The following FCHO2 variants were observed in gnomAD, a reference collection of about 807,000 sequenced individuals.
FCHO2 encodes the protein F-BAR domain only protein 2.
A neutral mutation model predicts 114.1 loss-of-function variants in FCHO2; 43 were observed. That is an observed-to-expected ratio of 0.38 (90% CI 0.30 to 0.49). The LOEUF is 0.49. Ranked by LOEUF, FCHO2 falls within the 20% of genes least tolerant of loss-of-function variation. FCHO2 has a pLI of 0.97. For missense variants in FCHO2, 807 were observed against 950.4 expected (o/e 0.85, Z 1.98); for synonymous variants, 293 against 315.2 (o/e 0.93, Z 0.75).
chr5:73,000,502 G>C (rs989721841), intron 5 of FCHO2, among the ~76,000 whole-genome samples: 4 of 148,394 alleles, frequency 2.7e-5, no homozygotes, highest in South Asian at 2.1e-4. Flanking sequence ...AAAGCTGGGG[G>C]CAGTGGCTCA....
In FCHO2 at chr5:72,982,953, G is replaced by A. The variant is rs141178846; in HGVS notation, c.126-6474G>A. Among the ~76,000 whole-genome samples the A allele has an allele frequency of 6.4e-4, 96 of 148,844 alleles. 1 individual carries two copies. The highest frequency in any genetic ancestry group is 3.5e-3 in the Middle Eastern group (1 of 288). ...TTTTCAGACAGAGTATCTCTCTGTC[G>A]CCGAGGCTGGAGTGCAGTGGCGCGA... On this transcript the variant is annotated intron_variant, in intron 2 of 25. Transcript: ENST00000430046.
At chr5:73,012,428 CTGGCCAACG>C (rs913853465) in intron 6 of FCHO2, among the ~76,000 whole-genome samples, 27 of 152,092 alleles carry the variant, frequency 1.8e-4, no homozygotes, top group Admixed American at 1.2e-3. Flanking sequence ...TGAGACTATA[CTGGCCAACG>C]TGGTGAAACT....
At position 73,077,437 on chromosome 5, in the gene FCHO2, G is replaced by C. The variant is rs1461270409; in HGVS notation, c.1791G>C (p.Arg597Ser). The C allele has an allele frequency of 1.9e-6, 3 of 1,601,844 alleles. No individual in the cohort carries two copies. The highest frequency in any genetic ancestry group is 2.2e-5 in the East Asian group (1 of 44,522). Residue 597 changes from arginine to serine, a missense_variant, in exon 21 of 26, where the codon AGG becomes AGC. Transcript: ENST00000430046. ...CAACTCCAGCTGTGTTGTGCTTCAG[G>C]GTGAAAAATATCAGCAGACTAGAGC... Reference protein sequence around the residue: ...SNPTPAVLCFRVKNISRLEQI... With the variant: ...SNPTPAVLCFSVKNISRLEQI...
At chr5:72,961,717 C>T (rs1751883307) in intron 1 of FCHO2, among the ~76,000 whole-genome samples, 1 of 152,006 alleles carries the variant, frequency 6.6e-6, no homozygotes, top group Admixed American at 6.6e-5. Flanking sequence ...GCCTTAGCCT[C>T]CCTGGTAGCT....
chr5:73,033,586 A>C lies in FCHO2; in HGVS notation c.797-1071A>C, dbSNP rs371727359. On this transcript the variant is annotated intron_variant, in intron 8 of 25. Coordinates refer to ENST00000430046, the MANE Select transcript of FCHO2 (RefSeq NM_138782.3). ...TCCTCTATCATCTACTCTCTGTTTC[A>C]AGCTCTATTTTAAAATTTCTTCATA... Among the ~76,000 whole-genome samples, 8 of 152,146 alleles carry C rather than the reference A, an allele frequency of 5.3e-5. No individual in the cohort carries two copies. The East Asian group carries it at 5.8e-4, about 11-fold the overall frequency.
Position 73,068,705 on chromosome 5 carries a change from C to T in FCHO2, c.1505C>T (p.Pro502Leu). The change falls in exon 19 of 26, where the codon CCA becomes CTA. Residue 502 changes from proline (P) to leucine (L), a missense_variant. Pro to Leu is a moderately conservative substitution (Grantham distance 98). Coordinates refer to ENST00000430046, the MANE Select transcript of FCHO2 (RefSeq NM_138782.3). ...TSNTSPPPAAPLARAESSSSI... is the reference protein window; with the variant it reads ...TSNTSPPPAALLARAESSSSI... Reference sequence around the variant, plus strand: ...AACACCAGCCCACCTCCTGCTGCACCATTAGCCCGGGCAGAAAGTTCTTCT... The same window carrying T: ...AACACCAGCCCACCTCCTGCTGCACTATTAGCCCGGGCAGAAAGTTCTTCT... 6.2e-7 allele frequency: 1 copy of T among 1,612,490 alleles called. No individual in the cohort carries two copies.
At chr5:73,042,534 C>T (rs937836661) in intron 11 of FCHO2, among the ~76,000 whole-genome samples, 3 of 151,904 alleles carry the variant, frequency 2.0e-5, no homozygotes, top group African/African-American at 4.8e-5. Context: ...TTGAACTTTA[C>T]TTAGTACTTA....
intron 8 of FCHO2, among the ~76,000 whole-genome samples, chr5:73,029,406 T>C (rs943326648): frequency 3.9e-5 from 6 of 152,186 alleles, no homozygotes; most frequent in Admixed American, 1.3e-4. Flanking sequence ...AGTACTAAGA[T>C]TCTGTGGAGA....
intron 2 of FCHO2, among the ~76,000 whole-genome samples, chr5:72,970,742 C>T (rs1180939956): frequency 6.6e-6 from 1 of 151,480 alleles, no homozygotes; most frequent in Non-Finnish European, 1.5e-5. Context: ...GGTACACGTG[C>T]ACAATGTGCA....
intron 2 of FCHO2, among the ~76,000 whole-genome samples, chr5:72,986,742 A>G (rs536014528): frequency 2.6e-5 from 4 of 152,316 alleles, no homozygotes; most frequent in Non-Finnish European, 4.4e-5. Flanking sequence ...GAGTATTTGC[A>G]TATACATAGC....
intron 11 of FCHO2, among the ~76,000 whole-genome samples, chr5:73,047,167 A>C (rs1580162093): frequency 6.6e-6 from 1 of 152,268 alleles, no homozygotes; most frequent in Non-Finnish European, 1.5e-5. Flanking sequence ...CTGTTTGTGC[A>C]TGTGTTTATA....
intron 8 of FCHO2, among the ~76,000 whole-genome samples, chr5:73,030,776 A>C (rs1034505423): frequency 6.6e-6 from 1 of 152,328 alleles, no homozygotes; most frequent in African/African-American, 2.4e-5. Flanking sequence ...TGATTCTCAT[A>C]CATAATATAG....
chr5:73,043,561 T>G (rs1410200978), intron 11 of FCHO2, among the ~76,000 whole-genome samples: 4 of 152,172 alleles, frequency 2.6e-5, no homozygotes, highest in Admixed American at 2.6e-4. Context: ...ATTTCAACAT[T>G]GTTTATATTA....
At chr5:73,051,326 A>ATT in intron 11 of FCHO2, 23 bp from the exon 12 acceptor site, 1 of 1,458,248 alleles carries the variant, frequency 6.9e-7, no homozygotes, top group Non-Finnish European at 9.3e-7. Context: ...TGTCATTATA[A>ATT]TTTTTTTTTC....
At chr5:73,077,600 C>A in intron 21 of FCHO2, 107 bp downstream of exon 21, 1 of 1,214,396 alleles carries the variant, frequency 8.2e-7, no homozygotes, top group Non-Finnish European at 1.1e-6. Flanking sequence ...GAGGCTGAGG[C>A]AGGTGGATTG....
At chr5:72,974,724 G>T (rs1336937869) in intron 2 of FCHO2, among the ~76,000 whole-genome samples, 2 of 152,048 alleles carry the variant, frequency 1.3e-5, no homozygotes, top group Non-Finnish European at 2.9e-5. Context: ...ATGTTGTTAT[G>T]TGTGAATTTG....
intron 10 of FCHO2, among the ~76,000 whole-genome samples, chr5:73,039,150 C>T (rs1438098453): frequency 1.3e-5 from 2 of 152,168 alleles, no homozygotes; most frequent in South Asian, 4.1e-4. Flanking sequence ...TTTCAAACTT[C>T]TTGGCAGGAA....
At chr5:73,049,028 T>C (rs1009562364) in intron 11 of FCHO2, among the ~76,000 whole-genome samples, 28 of 151,040 alleles carry the variant, frequency 1.9e-4, no homozygotes, top group East Asian at 5.8e-4. Flanking sequence ...AGGCGCCCGC[T>C]ACCACGCCCG....
chr5:73,036,526 A>G (rs962958239), intron 9 of FCHO2, among the ~76,000 whole-genome samples: 1 of 151,796 alleles, frequency 6.6e-6, no homozygotes, highest in Non-Finnish European at 1.5e-5. Context: ...GGCGCGCACC[A>G]CCACACCCAG....
Sources: gnomAD v4.1 joint callset for allele counts (sites outside exome capture counted in the v4.1 genomes callset) on GRCh38, gnomAD v4.1.1 for gene constraint, MANE v1.5 for transcripts, NCBI Gene and HGNC (gene_info 2026-07-23, HGNC 2026-07-21) for gene names.